Variants in CDYL observed in about 807,000 individuals in gnomAD.
The protein encoded by CDYL is chromodomain Y like.
In CDYL, 8 loss-of-function variants were observed where a neutral mutation model predicts 47.3. The ratio of observed to expected loss-of-function variants is 0.17; its 90% confidence interval spans 0.10 to 0.31. CDYL has a LOEUF of 0.31. Among genes scored for constraint, CDYL ranks in the 10% least tolerant of loss-of-function variants. The pLI is 1.00. For synonymous variants in CDYL, 266 were observed against 265.0 expected, an observed-to-expected ratio of 1.00 and a Z score of -0.04; for missense variants, 471 against 701.4, an observed-to-expected ratio of 0.67 and a Z score of 3.71.
At chr6:4,780,471 G>A (rs1275618002) in intron 1 of CDYL, among the ~76,000 whole-genome samples, 2 of 135,374 alleles carry the variant, frequency 1.5e-5, no homozygotes, top group African/African-American at 5.6e-5. Flanking sequence ...GTTTCACCTT[G>A]TGGGCCAGGC....
intron 5 of CDYL, among the ~76,000 whole-genome samples, chr6:4,950,081 G>A (rs949862365): frequency 7.2e-5 from 11 of 152,120 alleles, no homozygotes; most frequent in African/African-American, 1.9e-4. Flanking sequence ...GGCCGTTCTC[G>A]GCTGGTATCA....
intron 2 of CDYL, among the ~76,000 whole-genome samples, chr6:4,912,233 AT>A (rs5873957): frequency 0.98 from 148,111 of 151,830 alleles, 72,338 homozygotes; most frequent in East Asian, 1. Flanking sequence ...CAAGTTGGGA[AT>A]TTTTTTTTTT....
chr6:4,909,796 G>A (rs545200336), intron 2 of CDYL, among the ~76,000 whole-genome samples: 4 of 151,466 alleles, frequency 2.6e-5, no homozygotes, highest in Admixed American at 2.6e-4. Flanking sequence ...GGATGATCTC[G>A]ATCTCCTGAT....
chr6:4,777,489 A>G (rs974358383), intron 1 of CDYL, among the ~76,000 whole-genome samples: 1 of 152,172 alleles, frequency 6.6e-6, no homozygotes, highest in Non-Finnish European at 1.5e-5. Flanking sequence ...AGAGTTACCA[A>G]TTTGGATCTT....
chr6:4,777,156 C>CG (rs1165360649), intron 1 of CDYL, among the ~76,000 whole-genome samples: 6 of 68,954 alleles, frequency 8.7e-5, no homozygotes, highest in African/African-American at 3.2e-4. Flanking sequence ...GTGGGCGGTA[C>CG]GGGGGGTGGG....
intron 1 of CDYL, among the ~76,000 whole-genome samples, chr6:4,835,897 A>G (rs547978116): frequency 3.3e-5 from 5 of 152,096 alleles, no homozygotes; most frequent in Non-Finnish European, 7.4e-5. Flanking sequence ...GCGGGATATA[A>G]TCTCCTGGTG....
intron 1 of CDYL, among the ~76,000 whole-genome samples, chr6:4,709,006 TA>T (rs1358945909): frequency 6.6e-6 from 1 of 151,716 alleles, no homozygotes; most frequent in Non-Finnish European, 1.5e-5. Flanking sequence ...GACCCTGTCT[TA>T]AAAAAAATAA....
rs192730070 is a variant in CDYL at position 4,791,756 on chromosome 6, G to A, written c.24+14949G>A. ...CCTACCACCCTGGTCTAACTACTAC[G>A]AACCACAGAAGACCATTCTGGACAG... On this transcript the variant is annotated intron_variant, in intron 1 of 6. Coordinates refer to ENST00000397588, the MANE Select transcript of CDYL (RefSeq NM_004824.4). Among the ~76,000 whole-genome samples the A allele has an allele frequency of 4.6e-3, 695 of 151,572 alleles. 4 individuals carry two copies. Among genetic ancestry groups the A allele is most frequent in the African/African-American group, 0.014 (599 of 41,412 alleles).
In CDYL at chr6:4,776,589, C is replaced by T. The variant is rs1459739467; in HGVS notation, c.-195C>T. ...CCCAGGGCGCGTTGCGTAGCTGCTC[C>T]TGCGCACAACCCCGCCGCGCCGCCG... On this transcript the variant is annotated 5_prime_UTR_variant, in exon 1 of 7. Coordinates refer to ENST00000397588, the MANE Select transcript of CDYL (RefSeq NM_004824.4). 2 of 254,608 alleles carry T rather than the reference C, an allele frequency of 7.9e-6. No homozygotes were observed. Among genetic ancestry groups the T allele is most frequent in the Middle Eastern group, 1.4e-3 (1 of 696 alleles). The allele number at this position is 254,608 out of a possible 1,614,324, so 15.8% of individuals were successfully genotyped here. A position where few individuals can be genotyped will look rare whatever the true frequency, so the allele number is the denominator to read the frequency against.
At chr6:4,791,464 T>C (rs1375482181) in intron 1 of CDYL, among the ~76,000 whole-genome samples, 1 of 152,184 alleles carries the variant, frequency 6.6e-6, no homozygotes, top group African/African-American at 2.4e-5. Flanking sequence ...CCATAGAGCA[T>C]ATTCAAAAAA....
intron 1 of CDYL, among the ~76,000 whole-genome samples, chr6:4,781,647 G>A (rs1465749660): frequency 1.3e-5 from 2 of 152,148 alleles, no homozygotes; most frequent in African/African-American, 2.4e-5. Context: ...TACCAGAATA[G>A]CGTTTTTTTC....
chr6:4,853,604 G>A (rs1401947555), intron 1 of CDYL, among the ~76,000 whole-genome samples: 1 of 152,144 alleles, frequency 6.6e-6, no homozygotes, highest in African/African-American at 2.4e-5. Flanking sequence ...TGCTTCAGGT[G>A]CTGGTTTTTC....
intron 1 of CDYL, among the ~76,000 whole-genome samples, chr6:4,880,089 T>C (rs1761724793): frequency 6.6e-6 from 1 of 152,024 alleles, no homozygotes; most frequent in Non-Finnish European, 1.5e-5. Flanking sequence ...CTCTTGGTGT[T>C]ATGCATTCTA....
At chr6:4,830,962 C>T (rs187679251) in intron 1 of CDYL, among the ~76,000 whole-genome samples, 8 of 152,178 alleles carry the variant, frequency 5.3e-5, no homozygotes, top group Admixed American at 5.2e-4. Flanking sequence ...CATAGTATTC[C>T]ATGGTGTATA....
intron 1 of CDYL, among the ~76,000 whole-genome samples, chr6:4,822,634 A>G (rs931152356): frequency 9.9e-5 from 15 of 152,160 alleles, no homozygotes; most frequent in African/African-American, 3.6e-4. Context: ...GAATGTGTCA[A>G]AGTATGTGTG....
At chr6:4,749,448 G>A (rs886504616) in intron 3 of CDYL, among the ~76,000 whole-genome samples, 28 of 151,938 alleles carry the variant, frequency 1.8e-4, no homozygotes, top group Non-Finnish European at 3.1e-4. Context: ...GAGATGGATG[G>A]ATGGATGGAT....
intron 1 of CDYL, among the ~76,000 whole-genome samples, chr6:4,840,756 G>A (rs1581204218): frequency 6.6e-6 from 1 of 152,260 alleles, no homozygotes; most frequent in African/African-American, 2.4e-5. Context: ...CTTGATCATG[G>A]TGGGTTATCT....
chr6:4,912,819 C>A (rs561646244), intron 2 of CDYL, among the ~76,000 whole-genome samples: 1 of 152,306 alleles, frequency 6.6e-6, no homozygotes, highest in Non-Finnish European at 1.5e-5. Flanking sequence ...CACTCTCCCC[C>A]TCTTCTTATG....
At chr6:4,931,002 T>C (rs1433155936) in intron 2 of CDYL, among the ~76,000 whole-genome samples, 1 of 152,204 alleles carries the variant, frequency 6.6e-6, no homozygotes, top group Admixed American at 6.5e-5. Flanking sequence ...ACCATTTGTT[T>C]AGTCATTAGC....
Sources: allele counts gnomAD v4.1 joint callset (sites outside exome capture counted in the v4.1 genomes callset), GRCh38; gene constraint gnomAD v4.1.1; transcripts MANE v1.5; gene names NCBI Gene and HGNC (gene_info 2026-07-23, HGNC 2026-07-21).